PRKG1: variants seen among roughly 807,000 people sequenced by gnomAD.
The protein encoded by PRKG1 is cGMP-dependent protein kinase 1.
PRKG1 carries 35 observed loss-of-function variants against 88.1 expected under a neutral mutation model. The ratio of observed to expected loss-of-function variants is 0.40; its 90% confidence interval spans 0.30 to 0.53. The LOEUF is 0.53. Ranked by LOEUF, PRKG1 falls within the 20% of genes least tolerant of loss-of-function variation. The pLI is 0.59. For synonymous variants in PRKG1, 303 were observed against 292.5 expected (o/e 1.04, Z -0.37); for missense variants, 540 against 839.8 (o/e 0.64, Z 4.41).
chr10:51,681,832 A>G (rs929587053), intron 3 of PRKG1, among the ~76,000 whole-genome samples: 2 of 152,192 alleles, frequency 1.3e-5, no homozygotes, highest in Non-Finnish European at 2.9e-5. Flanking sequence ...TTTAATTGAT[A>G]TTATAACATG....
At chr10:52,084,005 A>G (rs1486843711) in intron 7 of PRKG1, among the ~76,000 whole-genome samples, 1 of 152,100 alleles carries the variant, frequency 6.6e-6, no homozygotes, top group Non-Finnish European at 1.5e-5. Context: ...CATAATAATT[A>G]AATCACATTT....
At chr10:51,722,112 C>T (rs982928638) in intron 3 of PRKG1, among the ~76,000 whole-genome samples, 7 of 152,032 alleles carry the variant, frequency 4.6e-5, no homozygotes, top group African/African-American at 1.7e-4. Flanking sequence ...CACCTGTAAT[C>T]CCAGCTACTC....
chr10:51,698,587 A>G, intron 3 of PRKG1: 1 of 1,613,882 alleles, frequency 6.2e-7, no homozygotes. Flanking sequence ...GCAGACCACC[A>G]GGAGTCACGG....
chr10:51,108,814 A>G (rs1844911032), intron 1 of PRKG1, among the ~76,000 whole-genome samples: 1 of 152,188 alleles, frequency 6.6e-6, no homozygotes, highest in Non-Finnish European at 1.5e-5. Context: ...ATTGGAAAGG[A>G]TGGAGTATAA....
Position 51,923,147 on chromosome 10 carries a change from C to T in PRKG1, c.762+15577C>T, listed in dbSNP as rs149621943. 3.0e-3 allele frequency among the ~76,000 whole-genome samples: 454 copies of T among 151,912 alleles called. 6 individuals are homozygous for T. The highest frequency in any genetic ancestry group is 0.01 in the African/African-American group (426 of 41,470). ...ATTGATCCTTTATCATTATGTAATG[C>T]CCCTCTTTAGTCCTGATAACTTTTC... On this transcript the variant is annotated intron_variant, in intron 5 of 17. Transcript: ENST00000373980.
chr10:51,313,070 AGTGTGTGTGTGT>A (rs34130710), intron 2 of PRKG1, among the ~76,000 whole-genome samples: 1 of 145,824 alleles, frequency 6.9e-6, no homozygotes, highest in African/African-American at 2.5e-5. Context: ...ATTAAGTTGC[AGTGTGTGTGTGT>A]GTGTGTGTGT....
At chr10:51,448,792 T>C (rs1839349426) in intron 2 of PRKG1, among the ~76,000 whole-genome samples, 1 of 152,050 alleles carries the variant, frequency 6.6e-6, no homozygotes, top group Non-Finnish European at 1.5e-5. Flanking sequence ...TCAAGCTTCC[T>C]GGATACCTTA....
chr10:51,615,657 G>GTTT (rs151175931), intron 3 of PRKG1, among the ~76,000 whole-genome samples: 1 of 128,644 alleles, frequency 7.8e-6, no homozygotes, highest in Non-Finnish European at 1.7e-5. Flanking sequence ...ACTCTGCTTG[G>GTTT]TTCTTTTTTT....
At chr10:52,252,892 C>A (rs1379322988) in intron 10 of PRKG1, 2 of 150,996 alleles carry the variant, frequency 1.3e-5, no homozygotes, top group African/African-American at 4.9e-5. Flanking sequence ...CTTTTCTGAA[C>A]CCTACCAATT....
At chr10:51,352,743 A>G (rs949101855) in intron 2 of PRKG1, among the ~76,000 whole-genome samples, 2 of 152,192 alleles carry the variant, frequency 1.3e-5, no homozygotes, top group Non-Finnish European at 2.9e-5. Context: ...GCCGTCCTTC[A>G]TAGAAATAGA....
intron 4 of PRKG1, among the ~76,000 whole-genome samples, chr10:51,906,789 C>T (rs1023877144): frequency 6.6e-6 from 1 of 152,042 alleles, no homozygotes; most frequent in African/African-American, 2.4e-5. Context: ...GTAGACTTTC[C>T]CCACAAGAGA....
chr10:51,074,204 G>C (rs1444629896), upstream of PRKG1: 1 of 168,144 alleles, frequency 5.9e-6, no homozygotes, highest in African/African-American at 2.4e-5. Context: ...CGCCCGGCGC[G>C]AGGGACTCTG....
At chr10:51,730,476 G>A (rs1842245665) in intron 3 of PRKG1, among the ~76,000 whole-genome samples, 2 of 152,166 alleles carry the variant, frequency 1.3e-5, no homozygotes, top group South Asian at 4.1e-4. Context: ...TGGGATGGGT[G>A]AAAAACATAG....
chr10:52,144,778 C>A (rs1232279641), intron 8 of PRKG1, among the ~76,000 whole-genome samples: 1 of 152,132 alleles, frequency 6.6e-6, no homozygotes, highest in Non-Finnish European at 1.5e-5. Context: ...GATCGCATCA[C>A]TGTACTCCAC....
At chr10:51,559,176 C>A (rs901451032) in intron 3 of PRKG1, among the ~76,000 whole-genome samples, 5 of 151,924 alleles carry the variant, frequency 3.3e-5, no homozygotes, top group African/African-American at 1.2e-4. Context: ...AGAAAGTATC[C>A]CTTGCAGATA....
At chr10:51,197,372 A>G (rs920578236) in intron 2 of PRKG1, among the ~76,000 whole-genome samples, 2 of 152,084 alleles carry the variant, frequency 1.3e-5, no homozygotes, top group Admixed American at 6.6e-5. Flanking sequence ...TCCTGTGTTC[A>G]AGCGATTCTC....
At chr10:51,444,180 A>G (rs1588963824) in intron 2 of PRKG1, among the ~76,000 whole-genome samples, 2 of 151,646 alleles carry the variant, frequency 1.3e-5, no homozygotes, top group South Asian at 2.1e-4. Flanking sequence ...AGAAATATCT[A>G]GTATGAAAAA....
At chr10:51,454,123 A>C (rs1839514306) in intron 2 of PRKG1, among the ~76,000 whole-genome samples, 1 of 152,114 alleles carries the variant, frequency 6.6e-6, no homozygotes, top group African/African-American at 2.4e-5. Context: ...AACACATCCC[A>C]TGCTCATCGA....
rs193002037 is a variant in PRKG1, at chr10:51,511,673, C to G, written c.592+43837C>G. 1.1e-3 allele frequency among the ~76,000 whole-genome samples: 173 copies of G among 152,294 alleles called. 1 individual carries two copies. The highest frequency in any genetic ancestry group is 3.8e-3 in the African/African-American group (157 of 41,570). On this transcript the variant is annotated intron_variant, in intron 3 of 17. Transcript: ENST00000373980. Reference sequence around the variant, plus strand: ...ACTACAATGGTTAAAATGAGAAAGACTGGCTCTACCAACTGCTGGTGAGCC... The same window carrying G: ...ACTACAATGGTTAAAATGAGAAAGAGTGGCTCTACCAACTGCTGGTGAGCC...
Sources: allele counts gnomAD v4.1 joint callset (sites outside exome capture counted in the v4.1 genomes callset), GRCh38; gene constraint gnomAD v4.1.1; transcripts MANE v1.5; gene names NCBI Gene and HGNC (gene_info 2026-07-23, HGNC 2026-07-21).